Variants in VSTM4 observed in about 807,000 individuals in gnomAD.
The protein encoded by VSTM4 is V-set and transmembrane domain-containing protein 4.
VSTM4 carries 20 observed loss-of-function variants against 36.4 expected under a neutral mutation model. The observed-to-expected ratio is 0.55, with a 90% CI of 0.39 to 0.80. The LOEUF is 0.80. Ranked by LOEUF, VSTM4 falls within the 30% of genes least tolerant of loss-of-function variation. The pLI is 0.00. For missense variants in VSTM4, 392 were observed against 404.5 expected, an observed-to-expected ratio of 0.97 and a Z score of 0.26; for synonymous variants, 182 against 173.9, an observed-to-expected ratio of 1.05 and a Z score of -0.37.
intron 2 of VSTM4, among the ~76,000 whole-genome samples, 164 bp downstream of exon 2, chr10:49,107,430 T>C (rs1252884857): frequency 3.9e-5 from 6 of 152,230 alleles, no homozygotes; most frequent in Non-Finnish European, 7.3e-5. Context: ...GGTAAAGATC[T>C]ACCCTCACCC....
intron 5 of VSTM4, among the ~76,000 whole-genome samples, chr10:49,054,731 A>G (rs933428899): frequency 6.6e-6 from 1 of 152,236 alleles, no homozygotes; most frequent in Non-Finnish European, 1.5e-5. Context: ...TTTCAAAACT[A>G]AATGTGAGGT....
rs1385377816 is a variant in VSTM4 at position 49,103,682 on chromosome 10, C to A, written c.457+3912G>T. ...TTCATGACAGGGAAATGAGGAGAGA[C>A]CAGGCACCAGCCTTTCTTTCTGGGA... On this transcript the variant is annotated intron_variant, in intron 2 of 7. Coordinates refer to ENST00000332853, the MANE Select transcript of VSTM4 (RefSeq NM_001031746.5). The A allele has an allele frequency of 1.9e-6, 3 of 1,595,820 alleles. No individual in the cohort carries two copies. In the Admixed American group the frequency reaches 5.2e-5, roughly 28 times the overall value.
At chr10:49,024,221 G>T (rs1035376159) in intron 7 of VSTM4, among the ~76,000 whole-genome samples, 2 of 152,094 alleles carry the variant, frequency 1.3e-5, no homozygotes, top group Admixed American at 6.5e-5. Context: ...TCAGCTGCTT[G>T]GTATTTTGTG....
chr10:49,105,330 G>A (rs367831428), intron 2 of VSTM4, among the ~76,000 whole-genome samples: 30 of 79,552 alleles, frequency 3.8e-4, no homozygotes, highest in East Asian at 7.3e-4. Context: ...AGAGAGAGAC[G>A]GGGGGGGGAG....
intron 2 of VSTM4, among the ~76,000 whole-genome samples, chr10:49,088,653 C>G (rs1253069425): frequency 6.6e-6 from 1 of 152,176 alleles, no homozygotes; most frequent in East Asian, 1.9e-4. Context: ...CACTCTGGGC[C>G]CCACAAGGCC....
intron 4 of VSTM4, among the ~76,000 whole-genome samples, chr10:49,067,886 A>T (rs1222011200): frequency 2.0e-5 from 3 of 152,168 alleles, no homozygotes; most frequent in African/African-American, 7.2e-5. Context: ...CGAAATCCGA[A>T]GATGCTCAAG....
chr10:49,028,093 T>C (rs1843290704), intron 7 of VSTM4, among the ~76,000 whole-genome samples: 1 of 152,252 alleles, frequency 6.6e-6, no homozygotes, highest in African/African-American at 2.4e-5. Context: ...TTTTTTCTTT[T>C]AGCCATTGTT....
At chr10:49,073,230 C>A (rs1844114447) in intron 4 of VSTM4, among the ~76,000 whole-genome samples, 1 of 152,168 alleles carries the variant, frequency 6.6e-6, no homozygotes, top group Non-Finnish European at 1.5e-5. Flanking sequence ...ACCACCTGAG[C>A]CTGAGCAACC....
At chr10:49,021,741 T>A (rs1337463079) in intron 7 of VSTM4, among the ~76,000 whole-genome samples, 1 of 151,926 alleles carries the variant, frequency 6.6e-6, no homozygotes, top group Non-Finnish European at 1.5e-5. Flanking sequence ...TCCTATACTA[T>A]GGGTGGGAGT....
chr10:49,037,944 A>C (rs1443928777), intron 7 of VSTM4, among the ~76,000 whole-genome samples: 1 of 152,136 alleles, frequency 6.6e-6, no homozygotes, highest in Non-Finnish European at 1.5e-5. Context: ...ATCAAAGAAA[A>C]AAAAAAGGAA....
chr10:49,045,311 G>T (rs907259998), intron 7 of VSTM4, among the ~76,000 whole-genome samples: 1 of 151,228 alleles, frequency 6.6e-6, no homozygotes, highest in Non-Finnish European at 1.5e-5. Context: ...AAATATCCAC[G>T]GATCCATACT....
chr10:49,083,239 T>C (rs1307457838), intron 3 of VSTM4, among the ~76,000 whole-genome samples: 3 of 152,166 alleles, frequency 2.0e-5, no homozygotes, highest in Non-Finnish European at 4.4e-5. Context: ...TTGCTCAGGG[T>C]GAAATACCTG....
At chr10:49,082,348 C>A (rs1284970804) in intron 3 of VSTM4, among the ~76,000 whole-genome samples, 4 of 152,192 alleles carry the variant, frequency 2.6e-5, no homozygotes, top group Admixed American at 2.6e-4. Flanking sequence ...TGCAATTAAT[C>A]AAATCTGGAG....
intron 2 of VSTM4, among the ~76,000 whole-genome samples, chr10:49,093,114 T>C (rs1230766857): frequency 2.6e-5 from 4 of 152,148 alleles, no homozygotes; most frequent in Non-Finnish European, 5.9e-5. Flanking sequence ...GAACCCGGGA[T>C]ACAGAAAGCC....
At chr10:49,026,356 G>A (rs113946049) in intron 7 of VSTM4, among the ~76,000 whole-genome samples, 255 of 152,312 alleles carry the variant, frequency 1.7e-3, no homozygotes, top group African/African-American at 5.9e-3. Flanking sequence ...TTCCCACCAT[G>A]ATGGGAAGCT....
Position 49,115,442 on chromosome 10 carries a change from G to C in VSTM4, c.44C>G (p.Ala15Gly). ...CCCGCCGCGCTTACCCGGAGCCGGA[G>C]CCCGCGCCAGCAGCGCGGCCGCCGC... The part of the protein sequence containing the change: ...ALAAAALLAR[A>G]PAPEVCAALN... Residue 15 changes from alanine (A) to glycine (G), a missense_variant, in exon 1 of 8, where the codon GCT (alanine) becomes GGT (glycine). Coordinates refer to ENST00000332853, the MANE Select transcript of VSTM4 (RefSeq NM_001031746.5). The C allele has an allele frequency of 9.6e-7, 1 of 1,045,184 alleles. No individual in the cohort carries two copies. The highest frequency in any genetic ancestry group is 1.2e-6 in the Non-Finnish European group (1 of 863,488). 64.7% of individuals were successfully genotyped at this position (1,045,184 alleles called of 1,614,324 possible).
intron 7 of VSTM4, among the ~76,000 whole-genome samples, chr10:49,039,564 T>C (rs1377657856): frequency 5.3e-5 from 8 of 152,020 alleles, no homozygotes; most frequent in Admixed American, 1.3e-4. Flanking sequence ...ATTTTCTCCC[T>C]AGAGAACAGG....
intron 2 of VSTM4, among the ~76,000 whole-genome samples, chr10:49,104,870 AAG>A (rs990426428): frequency 7.5e-6 from 1 of 133,528 alleles, no homozygotes; most frequent in Admixed American, 7.3e-5. Flanking sequence ...CGGAGAGAGA[AAG>A]AGACAGAGAT....
At chr10:49,019,946 A>T (rs1475160220) in intron 7 of VSTM4, among the ~76,000 whole-genome samples, 171 bp from the exon 8 acceptor site, 1 of 152,238 alleles carries the variant, frequency 6.6e-6, no homozygotes, top group Admixed American at 6.5e-5. Context: ...TTAATAAGAT[A>T]GATCTCATTG....
Sources: gnomAD v4.1 joint callset for allele counts (sites outside exome capture counted in the v4.1 genomes callset) on GRCh38, gnomAD v4.1.1 for gene constraint, MANE v1.5 for transcripts, NCBI Gene and HGNC (gene_info 2026-07-23, HGNC 2026-07-21) for gene names.